The following PTK2 variants were observed in gnomAD, a reference collection of about 807,000 sequenced individuals.
PTK2 encodes focal adhesion kinase 1.
In PTK2, 45 loss-of-function variants were observed where a neutral mutation model predicts 150.1. The observed-to-expected ratio is 0.30, with a 90% CI of 0.24 to 0.38. The LOEUF is 0.38. Among genes scored for constraint, PTK2 ranks in the 10% least tolerant of loss-of-function variants. The probability of loss-of-function intolerance (pLI) is 1.00; values close to 1 mark genes in which losing one functional copy is unlikely to be tolerated. For missense variants in PTK2, 919 were observed against 1,307.3 expected (o/e 0.70, Z 4.58); for synonymous variants, 432 against 449.2 (o/e 0.96, Z 0.48).
chr8:140,713,022 C>T (rs960356543), intron 23 of PTK2, among the ~76,000 whole-genome samples: 2 of 152,200 alleles, frequency 1.3e-5, no homozygotes, highest in Non-Finnish European at 2.9e-5. Context: ...CTGTATAGTG[C>T]TTTCCTCAAG....
chr8:140,895,034 T>A (rs1054583128), intron 2 of PTK2, among the ~76,000 whole-genome samples: 2 of 152,206 alleles, frequency 1.3e-5, no homozygotes, highest in African/African-American at 4.8e-5. Flanking sequence ...CTAAAATTAT[T>A]CAGAGTATAT....
In PTK2 at chr8:140,863,769, C is replaced by T. The variant is rs112435704; in HGVS notation, c.450+543G>A. ...GAAGAATTTAAAGGTGTGGATTATG[C>T]GATTTATTTCTGCATTCCCGGTCCA... is the stretch of plus-strand genomic sequence containing the variant. On this transcript the variant is annotated intron_variant, in intron 5 of 31. Transcript: ENST00000522684. Among the ~76,000 whole-genome samples, 525 of 152,132 alleles carry T rather than the reference C, an allele frequency of 3.5e-3. 3 individuals carry two copies. The highest frequency in any genetic ancestry group is 0.012 in the African/African-American group (497 of 41,502).
exon 21 of PTK2, chr8:140,739,018 C>T: frequency 6.5e-7 from 1 of 1,537,824 alleles, no homozygotes; most frequent in Admixed American, 1.9e-5. Context: ...GAGTACTCAC[C>T]AAACATCCAT....
At chr8:140,904,694 C>G (rs2100160145) in intron 2 of PTK2, among the ~76,000 whole-genome samples, 1 of 152,072 alleles carries the variant, frequency 6.6e-6, no homozygotes, top group African/African-American at 2.4e-5. Flanking sequence ...TTGGTCCATT[C>G]AGGGATTTGA....
At chr8:140,931,070 C>CAAAAAAAA (rs34438579) in intron 1 of PTK2, among the ~76,000 whole-genome samples, 1 of 111,712 alleles carries the variant, frequency 9.0e-6, no homozygotes, top group Non-Finnish European at 1.8e-5. Context: ...GACTCTGTCT[C>CAAAAAAAA]AAAAAAAAAA....
At chr8:140,850,936 T>G (rs779263908) in intron 5 of PTK2, among the ~76,000 whole-genome samples, 2 of 152,236 alleles carry the variant, frequency 1.3e-5, no homozygotes, top group African/African-American at 2.4e-5. Context: ...ACTCAATGAT[T>G]TGGCTACCAC....
intron 16 of PTK2, among the ~76,000 whole-genome samples, chr8:140,758,801 T>C (rs1473038442): frequency 6.6e-6 from 1 of 152,226 alleles, no homozygotes; most frequent in African/African-American, 2.4e-5. Context: ...GTAGTCATAA[T>C]CCAGGCCTTC....
intron 15 of PTK2, 34 bp downstream of exon 17, chr8:140,764,200 G>A (rs773796998): frequency 3.6e-5 from 56 of 1,562,646 alleles, no homozygotes; most frequent in Non-Finnish European, 4.8e-5. Context: ...CATCTGTCAA[G>A]TCTGAGCAAG....
Position 140,818,758 on chromosome 8 carries a change from A to C in PTK2, c.789+122T>G, listed in dbSNP as rs1252313622. 1.4e-5 allele frequency: 15 copies of C among 1,110,228 alleles called. 1 individual carries two copies. In the Admixed American group the frequency reaches 4.0e-4, roughly 30 times the overall value. 68.8% of individuals were successfully genotyped at this position (1,110,228 alleles called of 1,614,324 possible). On this transcript the variant is annotated intron_variant, in intron 9 of 31. Coordinates refer to ENST00000522684, the Ensembl canonical transcript of PTK2. ...TTTTCACATGGTAAAATGAAAAAAT[A>C]TCATTTTATTGAAAAAAATGGGACA...
At chr8:140,664,682 G>T (rs2087254975) in intron 31 of PTK2, among the ~76,000 whole-genome samples, 1 of 152,162 alleles carries the variant, frequency 6.6e-6, no homozygotes, top group Non-Finnish European at 1.5e-5. Context: ...CTAGCAGCAG[G>T]AAGACCCAGG....
At chr8:140,699,438 TAC>T (rs761451746) in intron 26 of PTK2, among the ~76,000 whole-genome samples, 13 of 152,192 alleles carry the variant, frequency 8.5e-5, no homozygotes, top group Non-Finnish European at 1.5e-4. Flanking sequence ...TCAAGTAACA[TAC>T]AGAGATTGCT....
At chr8:140,923,058 G>C (rs898137292) in intron 2 of PTK2, among the ~76,000 whole-genome samples, 3 of 152,176 alleles carry the variant, frequency 2.0e-5, no homozygotes, top group African/African-American at 7.2e-5. Flanking sequence ...TGACTTTAAA[G>C]TGACCAGTAG....
chr8:140,690,018 C>T (rs13266066), intron 26 of PTK2, among the ~76,000 whole-genome samples: 67,170 of 152,022 alleles, frequency 0.44, 15,075 homozygotes, highest in Non-Finnish European at 0.49. Flanking sequence ...AGTGGCATGA[C>T]CTCAGCTCAC....
chr8:140,725,624 G>A (rs769887089), intron 22 of PTK2, among the ~76,000 whole-genome samples: 10 of 152,216 alleles, frequency 6.6e-5, no homozygotes, highest in Non-Finnish European at 1.3e-4. Context: ...ATCCCAGAAT[G>A]AAGACAGGCA....
exon 12 of PTK2, chr8:140,800,523 T>C: frequency 6.2e-7 from 1 of 1,613,892 alleles, no homozygotes; most frequent in Non-Finnish European, 8.5e-7. Context: ...ACCCATCTAT[T>C]AGGTCAGCCA....
intron 1 of PTK2, among the ~76,000 whole-genome samples, chr8:140,966,706 A>G (rs2100185435): frequency 6.6e-6 from 1 of 152,210 alleles, no homozygotes; most frequent in African/African-American, 2.4e-5. Flanking sequence ...TTATTATACA[A>G]TGATATACAT....
At chr8:140,668,400 G>C (rs745452359) in exon 30 of PTK2, 51 of 1,612,840 alleles carry the variant, frequency 3.2e-5, no homozygotes, top group Non-Finnish European at 4.0e-5. Context: ...GCAGTAGGAG[G>C]GGGGCTGATT....
Position 140,830,496 on chromosome 8 carries a change from AG to A in PTK2, c.623del (p.Pro208LeufsTer13). The stretch of plus-strand genomic sequence containing the variant: ...CCTTGACAGAATCCAGTAAACTCTT[AG>A]GAAAAAATCGCTTTAAACCAACATC... On this transcript the variant is annotated frameshift_variant, in exon 8 of 32. Transcript: ENST00000522684. LOFTEE classifies it high-confidence loss of function. The A allele has an allele frequency of 6.5e-7, 1 of 1,544,916 alleles. No individual in the cohort carries two copies. The highest frequency in any genetic ancestry group is 8.8e-7 in the Non-Finnish European group (1 of 1,135,426).
intron 1 of PTK2, among the ~76,000 whole-genome samples, chr8:140,951,631 C>T (rs980946801): frequency 6.6e-6 from 1 of 152,046 alleles, no homozygotes; most frequent in African/African-American, 2.4e-5. Context: ...GCCTATAATC[C>T]CAGCATTCTG....
Sources: allele counts gnomAD v4.1 joint callset (sites outside exome capture counted in the v4.1 genomes callset), GRCh38; gene constraint gnomAD v4.1.1; transcripts MANE v1.5; gene names NCBI Gene and HGNC (gene_info 2026-07-23, HGNC 2026-07-21).